The following MAGI2 variants were observed in gnomAD, a reference collection of about 807,000 sequenced individuals.
The protein encoded by MAGI2 is membrane associated guanylate kinase, WW and PDZ domain containing 2.
Under a neutral mutation model 133.3 loss-of-function variants are expected in MAGI2, and 35 were observed. The observed-to-expected ratio is 0.26, with a 90% CI of 0.20 to 0.35. The LOEUF (loss-of-function observed/expected upper bound fraction) is 0.35, where lower values mean the gene tolerates loss of function less well. Among genes scored for constraint, MAGI2 ranks in the 10% least tolerant of loss-of-function variants. The pLI is 1.00. For missense variants in MAGI2, 1,636 were observed against 1,863.4 expected, an observed-to-expected ratio of 0.88 and a Z score of 2.25; for synonymous variants, 729 against 710.6, an observed-to-expected ratio of 1.03 and a Z score of -0.41.
At chr7:79,386,136 G>A (rs536708056) in intron 1 of MAGI2, among the ~76,000 whole-genome samples, 5 of 151,854 alleles carry the variant, frequency 3.3e-5, no homozygotes, top group Admixed American at 6.6e-5. Flanking sequence ...CAACAACTCT[G>A]GGATCTGAAC....
At chr7:78,768,137 C>A (rs1247520791) in intron 2 of MAGI2, among the ~76,000 whole-genome samples, 3 of 152,206 alleles carry the variant, frequency 2.0e-5, no homozygotes, top group Non-Finnish European at 4.4e-5. Context: ...TCTCCAAGAT[C>A]CAGCAAGCTC....
intron 1 of MAGI2, among the ~76,000 whole-genome samples, chr7:79,359,442 T>C (rs999705752): frequency 1.3e-5 from 2 of 151,984 alleles, no homozygotes; most frequent in Non-Finnish European, 2.9e-5. Context: ...AAATAATGCC[T>C]GAAAATTCTC....
intron 1 of MAGI2, among the ~76,000 whole-genome samples, chr7:79,434,469 A>C (rs1319935526): frequency 6.6e-6 from 1 of 152,236 alleles, no homozygotes; most frequent in Non-Finnish European, 1.5e-5. Flanking sequence ...TTATGAGCAA[A>C]AATGCATTTC....
intron 1 of MAGI2, among the ~76,000 whole-genome samples, chr7:79,229,338 G>C (rs1831153028): frequency 1.3e-5 from 2 of 152,124 alleles, no homozygotes; most frequent in Admixed American, 6.6e-5. Context: ...AAGAACAGAA[G>C]TGAAGAACAG....
intron 2 of MAGI2, among the ~76,000 whole-genome samples, chr7:78,746,778 T>C (rs1217269972): frequency 6.6e-6 from 1 of 152,118 alleles, no homozygotes; most frequent in Non-Finnish European, 1.5e-5. Context: ...GAGAGTTTTC[T>C]AGTTTTTTTT....
Position 78,843,260 on chromosome 7 carries a change from T to C in MAGI2, c.418+163830A>G, listed in dbSNP as rs1414662432. Among the ~76,000 whole-genome samples, 13 of 152,022 alleles carry C rather than the reference T, an allele frequency of 8.6e-5. No homozygotes were observed. The South Asian group carries it at 2.1e-3, about 24-fold the overall frequency. Reference sequence around the variant, plus strand: ...GCAACTTGAGGCTTCAGTTTTGAAATATAGCATTTCATTCTTTCTTAAACA... The same window carrying C: ...GCAACTTGAGGCTTCAGTTTTGAAACATAGCATTTCATTCTTTCTTAAACA... On this transcript the variant is annotated intron_variant, in intron 2 of 21. Coordinates refer to ENST00000354212, the MANE Select transcript of MAGI2 (RefSeq NM_012301.4).
intron 1 of MAGI2, among the ~76,000 whole-genome samples, chr7:79,210,035 C>A (rs1829376446): frequency 6.6e-6 from 1 of 152,032 alleles, no homozygotes; most frequent in Non-Finnish European, 1.5e-5. Context: ...AAAATCTGAA[C>A]TATATAAATA....
In MAGI2 at chr7:78,627,354, T is replaced by G. The variant is rs951281503; in HGVS notation, c.419-115A>C. On this transcript the variant is annotated intron_variant, in intron 2 of 21. Transcript: ENST00000354212. ...GCCACTTGTTTGTACATCCTGCAAG[T>G]TGGCAGTTTGCATTTGTCCTTCTGT... 3.1e-6 allele frequency: 3 copies of G among 979,160 alleles called. No homozygotes were observed. In the Admixed American group the frequency reaches 1.2e-4, roughly 39 times the overall value. The allele number at this position is 979,160 out of a possible 1,614,324, so 60.7% of individuals were successfully genotyped here.
chr7:78,547,160 A>C (rs985463695), intron 3 of MAGI2, among the ~76,000 whole-genome samples: 14 of 152,346 alleles, frequency 9.2e-5, no homozygotes, highest in African/African-American at 3.1e-4. Context: ...CATAAAAACA[A>C]CACCAAACTT....
chr7:79,347,194 T>A (rs755805209), intron 1 of MAGI2, among the ~76,000 whole-genome samples: 5 of 151,996 alleles, frequency 3.3e-5, no homozygotes, highest in Non-Finnish European at 5.9e-5. Flanking sequence ...AAATAATGAA[T>A]AACTGAATGT....
intron 1 of MAGI2, among the ~76,000 whole-genome samples, chr7:79,295,546 C>T (rs542124979): frequency 2.4e-4 from 37 of 151,688 alleles, no homozygotes; most frequent in Middle Eastern, 3.4e-3. Context: ...CAGGCACGGT[C>T]GAGTCAAGGG....
In MAGI2 at chr7:78,896,825, C is replaced by A. The variant is rs148714131; in HGVS notation, c.418+110265G>T. On this transcript the variant is annotated intron_variant, in intron 2 of 21. Transcript: ENST00000354212. ...GCTTTTACCAGTTAGAGCATAACAA[C>A]CTTCACTTTAGTATGAAAAGCTGTA... Among the ~76,000 whole-genome samples the A allele has an allele frequency of 2.6e-3, 400 of 152,222 alleles. 1 individual carries two copies. Among genetic ancestry groups the A allele is most frequent in the Middle Eastern group, 0.017 (5 of 294 alleles).
intron 9 of MAGI2, among the ~76,000 whole-genome samples, chr7:78,324,124 G>C (rs970495360): frequency 6.9e-6 from 1 of 144,244 alleles, no homozygotes; most frequent in African/African-American, 2.6e-5. Flanking sequence ...CAAAATAATT[G>C]ACACACTACA....
intron 2 of MAGI2, among the ~76,000 whole-genome samples, chr7:78,876,055 G>T (rs1424762922): frequency 6.6e-6 from 1 of 152,130 alleles, no homozygotes; most frequent in East Asian, 1.9e-4. Context: ...GGGGGCAGTG[G>T]CTCATGCCTG....
At chr7:78,167,006 C>A (rs1010435844) in intron 15 of MAGI2, among the ~76,000 whole-genome samples, 1 of 152,030 alleles carries the variant, frequency 6.6e-6, no homozygotes, top group East Asian at 1.9e-4. Context: ...AGCTAAGGTC[C>A]TTCCTACTTC....
chr7:78,236,422 C>CT (rs1439826331), intron 10 of MAGI2, among the ~76,000 whole-genome samples: 2 of 152,190 alleles, frequency 1.3e-5, no homozygotes, highest in Non-Finnish European at 2.9e-5. Flanking sequence ...CTGTTCTTCT[C>CT]TCCCTGGTGT....
intron 6 of MAGI2, among the ~76,000 whole-genome samples, chr7:78,422,814 A>G (rs1003316335): frequency 6.6e-6 from 1 of 152,188 alleles, no homozygotes; most frequent in Non-Finnish European, 1.5e-5. Context: ...CTAGTCTTGC[A>G]CAAAACAGAC....
At chr7:79,272,599 G>T (rs1249607148) in intron 1 of MAGI2, among the ~76,000 whole-genome samples, 1 of 151,968 alleles carries the variant, frequency 6.6e-6, no homozygotes, top group Non-Finnish European at 1.5e-5. Context: ...CAGAAACAAT[G>T]CAATGCACTG....
chr7:78,707,619 C>T (rs323168), intron 2 of MAGI2, among the ~76,000 whole-genome samples: 103,172 of 151,860 alleles, frequency 0.68, 35,176 homozygotes, highest in East Asian at 0.84. Context: ...TATGTGTTTT[C>T]ATGACAAAAG....
Sources: gnomAD v4.1 joint callset for allele counts (sites outside exome capture counted in the v4.1 genomes callset) on GRCh38, gnomAD v4.1.1 for gene constraint, MANE v1.5 for transcripts, NCBI Gene and HGNC (gene_info 2026-07-23, HGNC 2026-07-21) for gene names.